RSPH14: variants seen among roughly 807,000 people sequenced by gnomAD.
RSPH14 encodes the protein radial spoke head 14 homolog.
In RSPH14, 20 loss-of-function variants were observed where a neutral mutation model predicts 26.7. The ratio of observed to expected loss-of-function variants is 0.75; its 90% CI spans 0.53 to 1.09. The LOEUF is 1.09. Among genes scored for constraint, RSPH14 ranks in the 50% least tolerant of loss-of-function variants. The pLI, the probability that RSPH14 is intolerant of heterozygous loss-of-function variation, is 0.00. For missense variants in RSPH14, 449 were observed against 457.2 expected (o/e 0.98, Z 0.16); for synonymous variants, 177 against 189.3 (o/e 0.93, Z 0.53).
the RSPH14 span, chr22:23,161,665 C>A: frequency 9.2e-7 from 1 of 1,089,330 alleles, no homozygotes; most frequent in Non-Finnish European, 1.3e-6. Flanking sequence ...CAGCGTGTCG[C>A]CCTCAAGCTG....
At chr22:23,172,144 C>T in the RSPH14 span, among the ~76,000 whole-genome samples, 1 of 152,186 alleles carries the variant, frequency 6.6e-6, no homozygotes, top group African/African-American at 2.4e-5. Context: ...ATAATGTTTT[C>T]AAGGCTCATC....
intron 4 of RSPH14, among the ~76,000 whole-genome samples, chr22:23,115,172 G>A (rs955288210): frequency 2.0e-5 from 3 of 152,216 alleles, no homozygotes; most frequent in Non-Finnish European, 4.4e-5. Flanking sequence ...AGATGGGTCA[G>A]TACAGAGCCT....
chr22:23,087,906 A>G (rs532039056), intron 4 of RSPH14, among the ~76,000 whole-genome samples: 9 of 152,356 alleles, frequency 5.9e-5, no homozygotes, highest in East Asian at 3.9e-4. Context: ...CTTCAGCTGC[A>G]TGACTCCTAA....
chr22:23,178,260 C>CA, the RSPH14 span, among the ~76,000 whole-genome samples: 33 of 152,154 alleles, frequency 2.2e-4, no homozygotes, highest in African/African-American at 7.5e-4. Context: ...ACTAAAAATA[C>CA]AAAAAACTAG....
At chr22:23,174,600 C>T in the RSPH14 span, among the ~76,000 whole-genome samples, 1 of 151,708 alleles carries the variant, frequency 6.6e-6, no homozygotes, top group African/African-American at 2.4e-5. Context: ...AAAGTATACA[C>T]AGATGTCAAC....
At chr22:23,113,674 G>A (rs761633128) in intron 4 of RSPH14, among the ~76,000 whole-genome samples, 2 of 152,210 alleles carry the variant, frequency 1.3e-5, no homozygotes, top group Admixed American at 6.5e-5. Context: ...CCCTCCACTC[G>A]GTACACCTGC....
chr22:23,164,504 T>C, the RSPH14 span, among the ~76,000 whole-genome samples: 1 of 152,146 alleles, frequency 6.6e-6, no homozygotes, highest in Non-Finnish European at 1.5e-5. Flanking sequence ...CAGCATCTTC[T>C]CGGTCAGAAT....
At chr22:23,123,833 G>T in intron 4 of RSPH14, 1 of 232,686 alleles carries the variant, frequency 4.3e-6, no homozygotes, top group Non-Finnish European at 8.5e-6. Flanking sequence ...TAGGCCAACT[G>T]CACCCCTGTC....
chr22:23,131,554 T>C, intron 4 of RSPH14: 1 of 1,221,580 alleles, frequency 8.2e-7, no homozygotes, highest in African/African-American at 1.6e-5. Flanking sequence ...TCACCATCTC[T>C]GTACTTCTCT....
At chr22:23,164,965 A>T in the RSPH14 span, among the ~76,000 whole-genome samples, 1 of 130,344 alleles carries the variant, frequency 7.7e-6, no homozygotes, top group African/African-American at 2.9e-5. Context: ...TGCAGATGCC[A>T]GACCCCTCTT....
chr22:23,151,612 A>C, the RSPH14 span, among the ~76,000 whole-genome samples: 1 of 152,204 alleles, frequency 6.6e-6, no homozygotes, highest in Non-Finnish European at 1.5e-5. Flanking sequence ...GGAAGCTGGG[A>C]CAATGGCACC....
At chr22:23,059,750 A>T (rs1204118534) in intron 6 of RSPH14, 32 bp from the exon 7 acceptor site, 1 of 1,497,052 alleles carries the variant, frequency 6.7e-7, no homozygotes, top group East Asian at 2.3e-5. Context: ...CGTTCCAAAC[A>T]GCCCAAGGGG....
At chr22:23,176,574 GC>G in the RSPH14 span, among the ~76,000 whole-genome samples, 1 of 151,890 alleles carries the variant, frequency 6.6e-6, no homozygotes, top group Non-Finnish European at 1.5e-5. Flanking sequence ...AGACTTTGTC[GC>G]CCCCACGGCC....
intron 4 of RSPH14, among the ~76,000 whole-genome samples, chr22:23,101,042 G>T (rs548327242): frequency 1.3e-5 from 2 of 152,192 alleles, no homozygotes; most frequent in African/African-American, 4.8e-5. Flanking sequence ...AGTAAGACAG[G>T]CTTATACCTA....
intron 6 of RSPH14, 65 bp from the exon 7 acceptor site, chr22:23,059,783 C>G (rs951854271): frequency 6.8e-7 from 1 of 1,469,758 alleles, no homozygotes; most frequent in African/African-American, 1.4e-5. Flanking sequence ...CCCCTCTCAC[C>G]CTAGCCCTCT....
At chr22:23,082,375 C>T (rs1030979596) in intron 4 of RSPH14, among the ~76,000 whole-genome samples, 270 of 131,812 alleles carry the variant, frequency 2.0e-3, no homozygotes, top group African/African-American at 7.2e-3. Context: ...CCACACCTGG[C>T]TATTTTTTTT....
chr22:23,134,447 G>A (rs939324525), intron 3 of RSPH14, among the ~76,000 whole-genome samples: 1 of 150,448 alleles, frequency 6.6e-6, no homozygotes, highest in Non-Finnish European at 1.5e-5. Context: ...TAAATATTAG[G>A]CAAGCCAATT....
At chr22:23,133,500 C>T (rs2070402919) in intron 4 of RSPH14, among the ~76,000 whole-genome samples, 1 of 152,330 alleles carries the variant, frequency 6.6e-6, no homozygotes, top group South Asian at 2.1e-4. Flanking sequence ...ATACTCTCTA[C>T]ATGTCTTGAT....
At chr22:23,089,759 CGG>C (rs1569168634) in intron 4 of RSPH14, among the ~76,000 whole-genome samples, 1 of 152,140 alleles carries the variant, frequency 6.6e-6, no homozygotes, top group African/African-American at 2.4e-5. Context: ...AGGAAGCAAG[CGG>C]CCCTCAGCAG....
Sources: gnomAD v4.1 joint callset for allele counts (sites outside exome capture counted in the v4.1 genomes callset) on GRCh38, gnomAD v4.1.1 for gene constraint, MANE v1.5 for transcripts, NCBI Gene and HGNC (gene_info 2026-07-23, HGNC 2026-07-21) for gene names.